The following DEPDC1B variants were observed in gnomAD, a reference collection of about 807,000 sequenced individuals.
DEPDC1B encodes DEP domain-containing protein 1B.
DEPDC1B carries 51 observed loss-of-function variants against 66.5 expected under a neutral mutation model. That is an observed-to-expected ratio of 0.77 (90% confidence interval 0.61 to 0.97). The LOEUF is 0.97. Ranked by LOEUF, DEPDC1B falls within the 50% of genes least tolerant of loss-of-function variation. DEPDC1B has a pLI of 0.00. For missense variants in DEPDC1B, 552 were observed against 637.1 expected, an observed-to-expected ratio of 0.87 and a Z score of 1.44; for synonymous variants, 226 against 223.6, an observed-to-expected ratio of 1.01 and a Z score of -0.10.
rs1175826981 is a variant in DEPDC1B, at chr5:60,597,380, A to G, written c.*373T>C. On this transcript the variant is annotated 3_prime_UTR_variant, in exon 11 of 11. Transcript: ENST00000265036. Reference sequence around the variant, plus strand: ...ATACACGCTATTTTTAAGACTTAAAATTAAGTCTTAAGGCTATAATAAAGA... The same window carrying G: ...ATACACGCTATTTTTAAGACTTAAAGTTAAGTCTTAAGGCTATAATAAAGA... 6.0e-6 allele frequency: 1 copy of G among 166,144 alleles called. No individual in the cohort carries two copies. Among genetic ancestry groups the G allele is most frequent in the African/African-American group, 2.4e-5 (1 of 41,566 alleles). The allele number at this position is 166,144 out of a possible 1,614,324, so 10.3% of individuals were successfully genotyped here.
In DEPDC1B at chr5:60,647,457, A is replaced by G. The variant is rs201176651; in HGVS notation, c.391T>C (p.Trp131Arg). Residue 131 changes from tryptophan to arginine, a missense_variant, in exon 3 of 11, where the codon TGG (tryptophan) becomes CGG (arginine). Transcript: ENST00000265036. ...NQKDVIKFPE[W>R]NDLPPGTSQE... Reference sequence around the variant, plus strand: ...GAAGTGCCTGGTGGGAGATCATTCCATTCTGGAAATTTAATAACATCCTTT... The same window carrying G: ...GAAGTGCCTGGTGGGAGATCATTCCGTTCTGGAAATTTAATAACATCCTTT... The G allele has an allele frequency of 6.2e-7, 1 of 1,613,030 alleles. No homozygotes were observed. The highest frequency in any genetic ancestry group is 2.2e-5 in the East Asian group (1 of 44,796).
Position 60,603,448 on chromosome 5 carries a change from G to T in DEPDC1B, c.1185C>A (p.Val395=), listed in dbSNP as rs1196291851. The T allele has an allele frequency of 1.2e-6, 2 of 1,612,392 alleles. No homozygotes were observed. Among genetic ancestry groups the T allele is most frequent in the South Asian group, 2.2e-5 (2 of 90,812 alleles). The change falls in exon 9 of 11, where the codon GTC becomes GTA. Residue 395 remains valine, a synonymous_variant. Transcript: ENST00000265036. ...LMDNYQEILK[V]PLALQTSIEE... Reference sequence around the variant, plus strand: ...CTATAGAGGTCTGCAAGGCCAAAGGGACTTTCAGAATTTCCTGGTAATTGT... The same window carrying T: ...CTATAGAGGTCTGCAAGGCCAAAGGTACTTTCAGAATTTCCTGGTAATTGT...
At chr5:60,631,955 A>T (rs1410821286) in intron 7 of DEPDC1B, among the ~76,000 whole-genome samples, 3 of 152,186 alleles carry the variant, frequency 2.0e-5, no homozygotes, top group African/African-American at 7.2e-5. Context: ...ATCTCCCCAT[A>T]CACTAAACCC....
chr5:60,616,228 A>C (rs1752550994), intron 7 of DEPDC1B, among the ~76,000 whole-genome samples: 1 of 152,248 alleles, frequency 6.6e-6, no homozygotes, highest in Non-Finnish European at 1.5e-5. Flanking sequence ...TCTAAAAATC[A>C]GAGCACCTCT....
intron 1 of DEPDC1B, chr5:60,689,073 G>A (rs1661979880): frequency 2.2e-6 from 1 of 456,176 alleles, no homozygotes; most frequent in Non-Finnish European, 4.4e-6. Context: ...GAAAACAAGA[G>A]GTATGGAGTC....
chr5:60,668,207 T>A (rs1288030130), intron 2 of DEPDC1B, among the ~76,000 whole-genome samples: 5 of 35,514 alleles, frequency 1.4e-4, no homozygotes, highest in African/African-American at 4.3e-4. Context: ...AATGGATATT[T>A]TATATATATA....
chr5:60,638,971 G>T, intron 6 of DEPDC1B, 81 bp from the exon 7 acceptor site: 1 of 1,467,662 alleles, frequency 6.8e-7, no homozygotes, highest in Non-Finnish European at 9.2e-7. Flanking sequence ...TATGTGTGGC[G>T]TGTACAGATA....
At chr5:60,669,913 T>C in intron 2 of DEPDC1B, among the ~76,000 whole-genome samples, 1 of 152,190 alleles carries the variant, frequency 6.6e-6, no homozygotes, top group East Asian at 1.9e-4. Flanking sequence ...CTTAAAAATA[T>C]ATACATATAC....
intron 3 of DEPDC1B, among the ~76,000 whole-genome samples, chr5:60,646,318 G>A (rs1485967779): frequency 6.6e-6 from 1 of 152,154 alleles, no homozygotes; most frequent in Non-Finnish European, 1.5e-5. Flanking sequence ...TATTTGGTCA[G>A]GGGCTAGTAC....
chr5:60,664,176 T>C (rs765527685), intron 2 of DEPDC1B, among the ~76,000 whole-genome samples: 1 of 152,240 alleles, frequency 6.6e-6, no homozygotes, highest in African/African-American at 2.4e-5. Flanking sequence ...TTTCTTTATA[T>C]GTCACAGAAA....
intron 2 of DEPDC1B, among the ~76,000 whole-genome samples, chr5:60,660,434 G>A (rs1753687559): frequency 6.6e-6 from 1 of 152,002 alleles, no homozygotes; most frequent in African/African-American, 2.4e-5. Context: ...GTCTTCTCCG[G>A]GACCCTATAA....
At chr5:60,614,138 T>TAAACTCCC (rs1461508618) in intron 7 of DEPDC1B, among the ~76,000 whole-genome samples, 1 of 152,194 alleles carries the variant, frequency 6.6e-6, no homozygotes, top group Non-Finnish European at 1.5e-5. Flanking sequence ...CTTGTTTGTT[T>TAAACTCCC]AAACTCCACC....
chr5:60,693,444 G>A (rs1413966885), intron 1 of DEPDC1B, among the ~76,000 whole-genome samples: 2 of 152,138 alleles, frequency 1.3e-5, no homozygotes, highest in Non-Finnish European at 2.9e-5. Flanking sequence ...CACTTTACAA[G>A]GTTATTGTAA....
chr5:60,604,836 C>T (rs1584020822), intron 8 of DEPDC1B, among the ~76,000 whole-genome samples: 1 of 152,064 alleles, frequency 6.6e-6, no homozygotes, highest in South Asian at 2.1e-4. Flanking sequence ...TTCAGCTTTT[C>T]AAAAAGGTCT....
chr5:60,603,344 A>T, intron 9 of DEPDC1B, 47 bp downstream of exon 9: 8 of 1,450,714 alleles, frequency 5.5e-6, no homozygotes, highest in Non-Finnish European at 7.3e-6. Context: ...AGCTTACGTG[A>T]CTTTATATTG....
In DEPDC1B at chr5:60,601,844, CAT is replaced by C. The variant is rs200261990; in HGVS notation, c.1242+1545_1242+1546del. 7.6e-3 allele frequency among the ~76,000 whole-genome samples: 1,156 copies of C among 152,254 alleles called. 13 individuals carry two copies. Among genetic ancestry groups the C allele is most frequent in the African/African-American group, 0.022 (909 of 41,544 alleles). On this transcript the variant is annotated intron_variant, in intron 9 of 10. Coordinates refer to ENST00000265036, the MANE Select transcript of DEPDC1B (RefSeq NM_018369.3). ...ATTAAGCCCACATGTATTTTAATCA[CAT>C]GTTTTAATTCCCCAGAAAAACTCTA...
At chr5:60,691,264 G>A (rs1490649796) in intron 1 of DEPDC1B, among the ~76,000 whole-genome samples, 1 of 151,494 alleles carries the variant, frequency 6.6e-6, no homozygotes, top group Admixed American at 6.6e-5. Flanking sequence ...ATGTTAGTCA[G>A]GCTAGTCTTG....
At chr5:60,660,616 A>C (rs1424060621) in intron 2 of DEPDC1B, among the ~76,000 whole-genome samples, 1 of 152,218 alleles carries the variant, frequency 6.6e-6, no homozygotes, top group Non-Finnish European at 1.5e-5. Flanking sequence ...GAAAGTAAAA[A>C]AATAACTTTT....
At chr5:60,620,956 G>A (rs1259812114) in intron 7 of DEPDC1B, among the ~76,000 whole-genome samples, 1 of 152,180 alleles carries the variant, frequency 6.6e-6, no homozygotes, top group Non-Finnish European at 1.5e-5. Flanking sequence ...ATACTATGCA[G>A]CCATGAAAAA....
Sources: allele counts gnomAD v4.1 joint callset (sites outside exome capture counted in the v4.1 genomes callset), GRCh38; gene constraint gnomAD v4.1.1; transcripts MANE v1.5; gene names NCBI Gene and HGNC (gene_info 2026-07-23, HGNC 2026-07-21).